LSAMP: variants seen among roughly 807,000 people sequenced by gnomAD.
The protein encoded by LSAMP is limbic system associated membrane protein, also known as limbic system-associated membrane protein.
In LSAMP, 7 loss-of-function variants were observed where a neutral mutation model predicts 38.6. That is an observed-to-expected ratio of 0.18 (90% CI 0.10 to 0.34). The LOEUF (loss-of-function observed/expected upper bound fraction) is 0.34. Ranked by LOEUF, LSAMP falls within the 10% of genes least tolerant of loss-of-function variation. LSAMP has a pLI of 1.00. For synonymous variants in LSAMP, 154 were observed against 166.8 expected (o/e 0.92, Z 0.59); for missense variants, 313 against 420.0 (o/e 0.75, Z 2.23).
At chr3:115,914,370 A>G (rs1251944614) in intron 3 of LSAMP, among the ~76,000 whole-genome samples, 1 of 152,126 alleles carries the variant, frequency 6.6e-6, no homozygotes, top group Non-Finnish European at 1.5e-5. Context: ...CTCAACCATA[A>G]TATCTGTTCA....
intron 1 of LSAMP, among the ~76,000 whole-genome samples, chr3:116,275,152 A>G (rs1399639032): frequency 6.6e-6 from 1 of 152,072 alleles, no homozygotes; most frequent in Non-Finnish European, 1.5e-5. Context: ...TCACACACAC[A>G]AGTGATTCTC....
intron 3 of LSAMP, among the ~76,000 whole-genome samples, chr3:115,887,682 C>A (rs1274022939): frequency 6.6e-6 from 1 of 151,850 alleles, no homozygotes; most frequent in East Asian, 1.9e-4. Flanking sequence ...TGAGGCCACC[C>A]TGTCATTTAA....
chr3:116,125,871 A>G (rs1046350593), intron 1 of LSAMP, among the ~76,000 whole-genome samples: 42 of 152,288 alleles, frequency 2.8e-4, no homozygotes, highest in East Asian at 5.8e-4. Flanking sequence ...TTAGATTAAG[A>G]TTTGTGGTTG....
intron 1 of LSAMP, among the ~76,000 whole-genome samples, chr3:116,330,478 GCCT>G (rs1208288142): frequency 3.9e-5 from 6 of 152,210 alleles, no homozygotes; most frequent in Admixed American, 2.0e-4. Context: ...TGTTACATCT[GCCT>G]CCATTGTTGT....
chr3:116,092,518 A>G lies in LSAMP; in HGVS notation c.156-5962T>C, dbSNP rs964442278. On this transcript the variant is annotated intron_variant, in intron 1 of 6. Transcript: ENST00000490035. Reference sequence around the variant, plus strand: ...ACTGCAAATCTATGATTTTTAAAAAATCATCTCTTAAAAAAATTAGGAAAG... The same window carrying G: ...ACTGCAAATCTATGATTTTTAAAAAGTCATCTCTTAAAAAAATTAGGAAAG... Among the ~76,000 whole-genome samples the G allele has an allele frequency of 2.0e-5, 3 of 152,304 alleles. No individual in the cohort carries two copies. In the East Asian group the frequency reaches 5.8e-4, roughly 29 times the overall value.
chr3:116,206,358 C>T lies in LSAMP; in HGVS notation c.156-119802G>A, dbSNP rs1339585001. On this transcript the variant is annotated intron_variant, in intron 1 of 6. Coordinates refer to ENST00000490035, the MANE Select transcript of LSAMP (RefSeq NM_002338.5). ...GTTGATCCTTTCAAAAAACCAGCTC[C>T]TGGATTCATTAATTTTTTGAAGGGT... 2.0e-5 allele frequency among the ~76,000 whole-genome samples: 3 copies of T among 151,032 alleles called. No individual in the cohort carries two copies. In the South Asian group the frequency reaches 6.3e-4, roughly 32 times the overall value.
intron 1 of LSAMP, among the ~76,000 whole-genome samples, chr3:116,234,856 C>T (rs965846319): frequency 7.9e-5 from 12 of 152,044 alleles, no homozygotes; most frequent in Admixed American, 6.6e-4. Context: ...TTTCATGGCA[C>T]ATGTGCATTC....
intron 3 of LSAMP, among the ~76,000 whole-genome samples, chr3:115,968,238 C>T (rs560668438): frequency 1.3e-5 from 2 of 152,090 alleles, no homozygotes; most frequent in African/African-American, 4.8e-5. Flanking sequence ...CCTCTTCCTT[C>T]TCCTTTTCTC....
chr3:116,051,226 C>G (rs994245568), intron 2 of LSAMP: 3 of 152,164 alleles, frequency 2.0e-5, no homozygotes, highest in African/African-American at 7.2e-5. Context: ...GGTGACCTCC[C>G]TTGTCAGGTT....
At chr3:115,863,800 AC>A (rs1478015847) in intron 3 of LSAMP, among the ~76,000 whole-genome samples, 1 of 152,040 alleles carries the variant, frequency 6.6e-6, no homozygotes, top group Non-Finnish European at 1.5e-5. Context: ...TCAGTGAAAG[AC>A]ATACCTATTC....
intron 1 of LSAMP, among the ~76,000 whole-genome samples, chr3:116,256,005 T>C (rs1185653136): frequency 6.6e-6 from 1 of 152,168 alleles, no homozygotes; most frequent in Non-Finnish European, 1.5e-5. Flanking sequence ...GTTTTCCTTT[T>C]CCTTGCTGAT....
intron 1 of LSAMP, among the ~76,000 whole-genome samples, chr3:116,128,926 A>G (rs1709066359): frequency 6.6e-6 from 1 of 152,174 alleles, no homozygotes; most frequent in South Asian, 2.1e-4. Context: ...GAGTTAAGTA[A>G]AAACCTTTCA....
intron 3 of LSAMP, among the ~76,000 whole-genome samples, chr3:115,973,029 A>G (rs953292997): frequency 6.6e-6 from 1 of 152,130 alleles, no homozygotes; most frequent in Non-Finnish European, 1.5e-5. Flanking sequence ...CAAGAGAAGG[A>G]CATGTTGTAG....
At chr3:115,990,306 T>C (rs1939630614) in intron 3 of LSAMP, among the ~76,000 whole-genome samples, 1 of 152,040 alleles carries the variant, frequency 6.6e-6, no homozygotes, top group African/African-American at 2.4e-5. Flanking sequence ...TGATAATAGG[T>C]TTGGTATTTG....
intron 3 of LSAMP, among the ~76,000 whole-genome samples, chr3:115,908,975 C>T (rs1236849536): frequency 6.6e-6 from 1 of 152,130 alleles, no homozygotes; most frequent in Non-Finnish European, 1.5e-5. Context: ...ATCCCATGAT[C>T]ATGTACTTAA....
At chr3:116,225,289 C>T (rs1011250579) in intron 1 of LSAMP, among the ~76,000 whole-genome samples, 1 of 152,080 alleles carries the variant, frequency 6.6e-6, no homozygotes, top group African/African-American at 2.4e-5. Context: ...AGAGACATAG[C>T]AGAGGACATT....
intron 1 of LSAMP, among the ~76,000 whole-genome samples, chr3:116,128,106 A>G (rs909364651): frequency 6.6e-5 from 10 of 152,182 alleles, no homozygotes; most frequent in African/African-American, 1.9e-4. Flanking sequence ...CATTAATTCA[A>G]TTAACACTTA....
chr3:116,054,247 C>G lies in LSAMP; in HGVS notation c.388+32077G>C, dbSNP rs572225475. Among the ~76,000 whole-genome samples the G allele has an allele frequency of 2.0e-5, 3 of 152,308 alleles. No individual in the cohort carries two copies. The South Asian group carries it at 6.2e-4, about 32-fold the overall frequency. ...TGTTTTTGTCATCACTTCTCCTTCT[C>G]TGATTCTTTTAAGGATCCTTGTGAT... On this transcript the variant is annotated intron_variant, in intron 2 of 6. Coordinates refer to ENST00000490035, the MANE Select transcript of LSAMP (RefSeq NM_002338.5).
At chr3:116,221,183 C>T (rs1407993062) in intron 1 of LSAMP, among the ~76,000 whole-genome samples, 1 of 119,774 alleles carries the variant, frequency 8.3e-6, no homozygotes, top group Non-Finnish European at 1.8e-5. Flanking sequence ...AAAGGGGCAG[C>T]AATATATATA....
Sources: gnomAD v4.1 joint callset for allele counts (sites outside exome capture counted in the v4.1 genomes callset) on GRCh38, gnomAD v4.1.1 for gene constraint, MANE v1.5 for transcripts, NCBI Gene and HGNC (gene_info 2026-07-23, HGNC 2026-07-21) for gene names.